Variants in RGS20 observed in about 807,000 individuals in gnomAD.
RGS20 encodes the protein regulator of G protein signaling 20.
In RGS20, 30 loss-of-function variants were observed where a neutral mutation model predicts 33.6. The ratio of observed to expected loss-of-function variants is 0.89; its 90% CI spans 0.67 to 1.21. The LOEUF (loss-of-function observed/expected upper bound fraction) is 1.21. Ranked by LOEUF, RGS20 falls within the 50% of genes most tolerant of loss-of-function variation. The pLI, the probability that RGS20 is intolerant of heterozygous loss-of-function variation, is 0.00. For synonymous variants in RGS20, 208 were observed against 197.9 expected (o/e 1.05, Z -0.43); for missense variants, 472 against 502.4 (o/e 0.94, Z 0.58).
intron 1 of RGS20, among the ~76,000 whole-genome samples, chr8:53,856,585 G>A (rs571887081): frequency 6.6e-6 from 1 of 152,230 alleles, no homozygotes; most frequent in Admixed American, 6.5e-5. Context: ...CAAGTGGGAG[G>A]GCGGGTGAAC....
At chr8:53,866,387 CTT>C (rs58939238) in intron 1 of RGS20, among the ~76,000 whole-genome samples, 6 of 144,774 alleles carry the variant, frequency 4.1e-5, no homozygotes, top group African/African-American at 5.0e-5. Flanking sequence ...ACATTTACCT[CTT>C]TTTTTTTTTT....
intron 2 of RGS20, among the ~76,000 whole-genome samples, chr8:53,932,289 C>A (rs1813995221): frequency 6.6e-6 from 1 of 152,136 alleles, no homozygotes; most frequent in East Asian, 1.9e-4. Context: ...ACCGTTCACA[C>A]CCCTGAAAAG....
intron 2 of RGS20, among the ~76,000 whole-genome samples, chr8:53,922,645 A>AT (rs1813681731): frequency 6.6e-6 from 1 of 151,522 alleles, no homozygotes; most frequent in Non-Finnish European, 1.5e-5. Flanking sequence ...TACTTTAGTT[A>AT]TTTTTTCACT....
Position 53,879,405 on chromosome 8 carries a change from T to TC in RGS20, c.319dup (p.Leu107ProfsTer111). On this transcript the variant is annotated frameshift_variant, in exon 2 of 6. Coordinates refer to ENST00000297313, the MANE Select transcript of RGS20 (RefSeq NM_170587.4). LOFTEE classifies it high-confidence loss of function. ...GGCTCCCCGGAGGCGCCTGGACTTC[T>TC]CCCCCCTGCTTCCCGCCCTGCCGGC... The TC allele has an allele frequency of 6.2e-7, 1 of 1,609,392 alleles. No homozygotes were observed. The highest frequency in any genetic ancestry group is 8.5e-7 in the Non-Finnish European group (1 of 1,178,908).
At chr8:53,953,524 A>C (rs1262961659) in intron 4 of RGS20, among the ~76,000 whole-genome samples, 2 of 151,904 alleles carry the variant, frequency 1.3e-5, no homozygotes, top group Non-Finnish European at 2.9e-5. Context: ...CTGTCTCAAA[A>C]AAAAAAAAGT....
intron 2 of RGS20, among the ~76,000 whole-genome samples, chr8:53,880,598 C>G (rs1812334023): frequency 6.6e-6 from 1 of 152,230 alleles, no homozygotes; most frequent in African/African-American, 2.4e-5. Context: ...CCAGCACACT[C>G]TAGTCTCGCT....
intron 2 of RGS20, among the ~76,000 whole-genome samples, chr8:53,918,656 A>G (rs1414890482): frequency 2.0e-5 from 3 of 152,086 alleles, no homozygotes; most frequent in Non-Finnish European, 4.4e-5. Flanking sequence ...CCAAAGTGCT[A>G]GGATTACAGG....
At position 53,921,012 on chromosome 8, in the gene RGS20, G is replaced by A. The variant is rs978480643; in HGVS notation, c.511-18564G>A. On this transcript the variant is annotated intron_variant, in intron 2 of 5. Transcript: ENST00000297313. ...TGACCTCAGGTGATCCACCCACCTC[G>A]GCCTCCCAAAGTGCTGGGATAACAG... 1.3e-4 allele frequency among the ~76,000 whole-genome samples: 20 copies of A among 152,256 alleles called. No homozygotes were observed. In the East Asian group the frequency reaches 2.3e-3, roughly 18 times the overall value.
In RGS20 at chr8:53,896,575, C is replaced by A. The variant is rs190014365; in HGVS notation, c.510+16973C>A. Reference sequence around the variant, plus strand: ...GAAACAATCTGTATGAAAGTAAATACGAAGTTCAAGCAATGACAGTTTTAA... The same window carrying A: ...GAAACAATCTGTATGAAAGTAAATAAGAAGTTCAAGCAATGACAGTTTTAA... On this transcript the variant is annotated intron_variant, in intron 2 of 5. Coordinates refer to ENST00000297313, the MANE Select transcript of RGS20 (RefSeq NM_170587.4). Among the ~76,000 whole-genome samples, 5 of 152,200 alleles carry A rather than the reference C, an allele frequency of 3.3e-5. No individual in the cohort carries two copies. The East Asian group carries it at 9.6e-4, about 29-fold the overall frequency.
intron 1 of RGS20, among the ~76,000 whole-genome samples, chr8:53,871,026 G>T (rs1418772194): frequency 7.0e-6 from 1 of 142,456 alleles, no homozygotes; most frequent in African/African-American, 2.7e-5. Context: ...CAGGAGAATT[G>T]CTTGAAGCCG....
intron 2 of RGS20, among the ~76,000 whole-genome samples, chr8:53,908,877 A>T (rs1243539446): frequency 2.0e-5 from 3 of 152,116 alleles, no homozygotes; most frequent in African/African-American, 7.2e-5. Context: ...AATCATATAT[A>T]TACTCTTGTA....
At chr8:53,941,141 C>T (rs963387444) in intron 3 of RGS20, among the ~76,000 whole-genome samples, 3 of 152,134 alleles carry the variant, frequency 2.0e-5, no homozygotes, top group East Asian at 1.9e-4. Context: ...GGCTAGAGGG[C>T]GGGTCAGGTC....
chr8:53,939,819 T>G, intron 3 of RGS20, 95 bp downstream of exon 2: 1 of 1,389,620 alleles, frequency 7.2e-7, no homozygotes, highest in Admixed American at 2.7e-5. Context: ...GGTGGCAGCT[T>G]ATGGTTAATT....
At chr8:53,871,313 T>C (rs1054963269) in intron 1 of RGS20, among the ~76,000 whole-genome samples, 8 of 152,068 alleles carry the variant, frequency 5.3e-5, no homozygotes, top group Non-Finnish European at 1.0e-4. Context: ...CTCAGAATTA[T>C]CCCTTGATCT....
Position 53,939,647 on chromosome 8 carries a change from C to T in RGS20, c.582C>T (p.Ala194=). The change falls in exon 3 of 6, where the codon GCC becomes GCT. Residue 194 remains alanine (A), a synonymous_variant. Transcript: ENST00000297313. ...CCGCCCAGGACACACCAGGCGCCGC[C>T]CCAGGCCAGCCCGGAGCGGGGAGTC... 6.3e-7 allele frequency: 1 copy of T among 1,596,158 alleles called. No individual in the cohort carries two copies. Among genetic ancestry groups the T allele is most frequent in the Non-Finnish European group, 8.5e-7 (1 of 1,172,332 alleles).
intron 2 of RGS20, among the ~76,000 whole-genome samples, chr8:53,910,843 T>C (rs2129283586): frequency 6.6e-6 from 1 of 152,334 alleles, no homozygotes; most frequent in Non-Finnish European, 1.5e-5. Context: ...ATGCATACCA[T>C]ATGATTTAAT....
At chr8:53,910,514 C>T (rs1006035002) in intron 2 of RGS20, among the ~76,000 whole-genome samples, 7 of 152,138 alleles carry the variant, frequency 4.6e-5, no homozygotes, top group Non-Finnish European at 2.9e-5. Context: ...AAAGATACAG[C>T]TCCTTTGAAA....
At chr8:53,899,924 G>A (rs1314961883) in intron 2 of RGS20, among the ~76,000 whole-genome samples, 1 of 152,150 alleles carries the variant, frequency 6.6e-6, no homozygotes, top group South Asian at 2.1e-4. Context: ...GTGCTTCCCT[G>A]ACCTGCGTGC....
At chr8:53,939,788 G>A in intron 3 of RGS20, 64 bp downstream of exon 2, 1 of 1,477,014 alleles carries the variant, frequency 6.8e-7, no homozygotes, top group South Asian at 1.4e-5. Flanking sequence ...CTCCTGACTG[G>A]GACGTGGCAC....
Sources: gnomAD v4.1 joint callset for allele counts (sites outside exome capture counted in the v4.1 genomes callset) on GRCh38, gnomAD v4.1.1 for gene constraint, MANE v1.5 for transcripts, NCBI Gene and HGNC (gene_info 2026-07-23, HGNC 2026-07-21) for gene names.